Variants in EVI2A observed in about 807,000 individuals in gnomAD.
EVI2A encodes the protein protein EVI2A.
Under a neutral mutation model 13.0 loss-of-function variants are expected in EVI2A, and 11 were observed. That is an observed-to-expected ratio of 0.85 (90% CI 0.53 to 1.40). The LOEUF (loss-of-function observed/expected upper bound fraction) is 1.40, where lower values mean the gene tolerates loss of function less well. Ranked by LOEUF, EVI2A falls within the 40% of genes most tolerant of loss-of-function variation. The pLI is 0.00. For synonymous variants in EVI2A, 89 were observed against 98.0 expected (o/e 0.91, Z 0.54); for missense variants, 267 against 279.5 (o/e 0.96, Z 0.32).
In EVI2A at chr17:31,317,271, G is replaced by C. The variant is rs1012617282; in HGVS notation, c.*1032C>G. ...TTTGTAATATATTTAATTGAAGATG[G>C]GGGGGTTCTCAACTTAAATGTAAGT... On this transcript the variant is annotated 3_prime_UTR_variant, in exon 2 of 2. Coordinates refer to ENST00000462804, the MANE Select transcript of EVI2A (RefSeq NM_014210.4). Among the ~76,000 whole-genome samples the C allele has an allele frequency of 1.3e-5, 2 of 151,684 alleles. No homozygotes were observed. The highest frequency in any genetic ancestry group is 4.8e-5 in the African/African-American group (2 of 41,244).
At chr17:31,319,281 A>C (rs185092963) in intron 1 of EVI2A, among the ~76,000 whole-genome samples, 1 of 152,020 alleles carries the variant, frequency 6.6e-6, no homozygotes, top group Non-Finnish European at 1.5e-5. Context: ...TAAGTGGACT[A>C]TCATGGCTTT....
At chr17:31,319,394 G>C (rs1230608280) in intron 1 of EVI2A, among the ~76,000 whole-genome samples, 3 of 151,410 alleles carry the variant, frequency 2.0e-5, no homozygotes, top group Non-Finnish European at 4.4e-5. Context: ...AAAAATTAAG[G>C]ATCATTCTTA....
At position 31,317,103 on chromosome 17, in the gene EVI2A, A is replaced by G. The variant is rs796212451; in HGVS notation, c.*1200T>C. ...AGTAAGATTGTAGTCATACTTGGGA[A>G]AAAACATATAAAAAATATTTTTAAA... On this transcript the variant is annotated 3_prime_UTR_variant, in exon 2 of 2. Coordinates refer to ENST00000462804, the MANE Select transcript of EVI2A (RefSeq NM_014210.4). Among the ~76,000 whole-genome samples, 10 of 152,260 alleles carry G rather than the reference A, an allele frequency of 6.6e-5. No homozygotes were observed. Among genetic ancestry groups the G allele is most frequent in the African/African-American group, 2.2e-4 (9 of 41,568 alleles).
rs1482800845 is a variant in EVI2A at position 31,316,654 on chromosome 17, G to A, written c.*1649C>T. Among the ~76,000 whole-genome samples the A allele has an allele frequency of 1.3e-5, 2 of 152,122 alleles. No homozygotes were observed. Among genetic ancestry groups the A allele is most frequent in the African/African-American group, 4.8e-5 (2 of 41,432 alleles). On this transcript the variant is annotated 3_prime_UTR_variant, in exon 2 of 2. Transcript: ENST00000462804. ...TTGCACAGAATGGGAAGTCTGCCCA[G>A]TTTCATTTCTAATCTGGGTTATTTT...
chr17:31,320,358 A>G (rs1307132575), intron 1 of EVI2A: 2 of 1,554,340 alleles, frequency 1.3e-6, no homozygotes, highest in Non-Finnish European at 1.7e-6. Context: ...AAAAAAAAAA[A>G]AGGCAGATTC....
rs777281841 is a variant in EVI2A, at chr17:31,318,740, G to C, written c.274C>G (p.Gln92Glu). 1.2e-6 allele frequency: 2 copies of C among 1,614,042 alleles called. No homozygotes were observed. The highest frequency in any genetic ancestry group is 1.7e-5 in the Admixed American group (1 of 60,004). ...HIVALTSKSE[Q>E]ELYIPSVVSN... Reference sequence around the variant, plus strand: ...ACGACAGAAGGTATATAAAGCTCCTGTTCAGATTTAGAAGTTAAAGCTACG... The same window carrying C: ...ACGACAGAAGGTATATAAAGCTCCTCTTCAGATTTAGAAGTTAAAGCTACG... Residue 92 changes from glutamine (Q) to glutamate (E), a missense_variant, in exon 2 of 2, where the codon CAG becomes GAG. Coordinates refer to ENST00000462804, the MANE Select transcript of EVI2A (RefSeq NM_014210.4).
At position 31,316,581 on chromosome 17, in the gene EVI2A, TTGTGTTACTCCTGGA is replaced by T. The variant is rs1202566400; in HGVS notation, c.*1707_*1721del. ...TATGACCCTTGATTCAAGGAGTGCT[TTGTGTTACTCCTGGA>T]TGTACTGGTGCACAATCTCAAATTT... On this transcript the variant is annotated 3_prime_UTR_variant, in exon 2 of 2. Transcript: ENST00000462804. Among the ~76,000 whole-genome samples the T allele has an allele frequency of 6.6e-6, 1 of 152,222 alleles. No individual in the cohort carries two copies. The highest frequency in any genetic ancestry group is 1.5e-5 in the Non-Finnish European group (1 of 68,038).
At chr17:31,320,419 T>G in intron 1 of EVI2A, 1 of 1,610,868 alleles carries the variant, frequency 6.2e-7, no homozygotes, top group Non-Finnish European at 8.5e-7. Context: ...CCAAACCAAC[T>G]CCTAAGCAAC....
At chr17:31,320,342 T>TA (rs2069149699) in intron 1 of EVI2A, 2 of 1,494,508 alleles carry the variant, frequency 1.3e-6, no homozygotes. Flanking sequence ...GTCCTTTTAT[T>TA]TAAAAAAAAA....
In EVI2A at chr17:31,317,220, T is replaced by C. The variant is rs183131835; in HGVS notation, c.*1083A>G. Among the ~76,000 whole-genome samples, 443 of 152,280 alleles carry C rather than the reference T, an allele frequency of 2.9e-3. 3 individuals are homozygous for C. The highest frequency in any genetic ancestry group is 0.01 in the African/African-American group (425 of 41,558). On this transcript the variant is annotated 3_prime_UTR_variant, in exon 2 of 2. Coordinates refer to ENST00000462804, the MANE Select transcript of EVI2A (RefSeq NM_014210.4). ...TTAGCCCTGTGTTAATTTCAGTAGA[T>C]ATTTGGAAAGTCTCTCAAACCAATT... is the stretch of plus-strand genomic sequence containing the variant.
chr17:31,316,700 A>C lies in EVI2A; in HGVS notation c.*1603T>G, dbSNP rs991287662. Among the ~76,000 whole-genome samples, 1 of 152,136 alleles carries C rather than the reference A, an allele frequency of 6.6e-6. No individual in the cohort carries two copies. Among genetic ancestry groups the C allele is most frequent in the African/African-American group, 2.4e-5 (1 of 41,432 alleles). ...ATTTTTCCCCTCAAAAGATAACCTG[A>C]TTTCAGTCACCATGACTGGCATGAA... is the stretch of plus-strand genomic sequence containing the variant. On this transcript the variant is annotated 3_prime_UTR_variant, in exon 2 of 2. Coordinates refer to ENST00000462804, the MANE Select transcript of EVI2A (RefSeq NM_014210.4).
chr17:31,320,961 G>A (rs985091367), intron 1 of EVI2A: 1 of 152,306 alleles, frequency 6.6e-6, no homozygotes, highest in African/African-American at 2.4e-5. Context: ...GCTTACCACG[G>A]AACAGATAAT....
chr17:31,319,017 T>C lies in EVI2A; in HGVS notation c.-4A>G. On this transcript the variant is annotated 5_prime_UTR_variant, in exon 2 of 2. Transcript: ENST00000462804. ...TGTGTTCCATGTCCGTGGGCATGCT[T>C]GGCAATCTGTTGGGATAGCAATATA... 1 of 1,589,386 alleles carries C rather than the reference T, an allele frequency of 6.3e-7. No homozygotes were observed. Among genetic ancestry groups the C allele is most frequent in the Non-Finnish European group, 8.5e-7 (1 of 1,172,208 alleles).
chr17:31,320,415 C>T, intron 1 of EVI2A: 1 of 1,609,614 alleles, frequency 6.2e-7, no homozygotes, highest in Non-Finnish European at 8.5e-7. Flanking sequence ...GTTTCCAAAC[C>T]AACTCCTAAG....
At position 31,317,561 on chromosome 17, in the gene EVI2A, A is replaced by G. The variant is rs750234540; in HGVS notation, c.*742T>C. On this transcript the variant is annotated 3_prime_UTR_variant, in exon 2 of 2. Coordinates refer to ENST00000462804, the MANE Select transcript of EVI2A (RefSeq NM_014210.4). ...CATACTTTGCGTTTACACTTAGCCT[A>G]TTGGTGTGGCTATAAATCTTATTTA... 3.3e-5 allele frequency: 5 copies of G among 152,126 alleles called. No individual in the cohort carries two copies. The highest frequency in any genetic ancestry group is 3.8e-4 in the East Asian group (2 of 5,202). The allele number at this position is 152,126 out of a possible 1,614,324, so 9.4% of individuals were successfully genotyped here.
chr17:31,319,444 A>G (rs1251588835), intron 1 of EVI2A, among the ~76,000 whole-genome samples: 1 of 152,030 alleles, frequency 6.6e-6, no homozygotes. Flanking sequence ...CAATCTTTAC[A>G]GAAGAAATGT....
chr17:31,319,731 G>GT (rs2069128528), intron 1 of EVI2A, among the ~76,000 whole-genome samples: 1 of 141,792 alleles, frequency 7.1e-6, no homozygotes, highest in Non-Finnish European at 1.5e-5. Flanking sequence ...AGGCATACCA[G>GT]TTTTCTCAAC....
intron 1 of EVI2A, among the ~76,000 whole-genome samples, chr17:31,320,187 C>G (rs1424566579): frequency 6.6e-6 from 1 of 151,986 alleles, no homozygotes; most frequent in Non-Finnish European, 1.5e-5. Flanking sequence ...TCTTGAGCTA[C>G]TTTTGAAAGG....
In EVI2A at chr17:31,317,321, C is replaced by T. The variant is rs1308776572; in HGVS notation, c.*982G>A. On this transcript the variant is annotated 3_prime_UTR_variant, in exon 2 of 2. Coordinates refer to ENST00000462804, the MANE Select transcript of EVI2A (RefSeq NM_014210.4). ...TCATTATTTTACTTGAAGCCAGTTT[C>T]TTTAAAGGTTAAATTATAACCTGAA... Among the ~76,000 whole-genome samples the T allele has an allele frequency of 2.7e-5, 4 of 150,728 alleles. No homozygotes were observed. Among genetic ancestry groups the T allele is most frequent in the Non-Finnish European group, 5.9e-5 (4 of 67,726 alleles).
Sources: gnomAD v4.1 joint callset for allele counts (sites outside exome capture counted in the v4.1 genomes callset) on GRCh38, gnomAD v4.1.1 for gene constraint, MANE v1.5 for transcripts, NCBI Gene and HGNC (gene_info 2026-07-23, HGNC 2026-07-21) for gene names.